ADAM12: variants seen among roughly 807,000 people sequenced by gnomAD.
ADAM12 encodes ADAM metallopeptidase domain 12.
ADAM12 carries 70 observed loss-of-function variants against 106.4 expected under a neutral mutation model. The observed-to-expected ratio is 0.66, with a 90% CI of 0.54 to 0.80. ADAM12 has a LOEUF of 0.80. Ranked by LOEUF, ADAM12 falls within the 30% of genes least tolerant of loss-of-function variation. The pLI is 0.00. For synonymous variants in ADAM12, 420 were observed against 433.5 expected, an observed-to-expected ratio of 0.97 and a Z score of 0.39; for missense variants, 1,010 against 1,171.9, an observed-to-expected ratio of 0.86 and a Z score of 2.02.
intron 14 of ADAM12, among the ~76,000 whole-genome samples, chr10:126,057,400 C>CAAAAAAAA (rs1196820296): frequency 1.5e-4 from 5 of 33,720 alleles, no homozygotes; most frequent in East Asian, 8.8e-4. Context: ...AACAAAAAAA[C>CAAAAAAAA]AAAAAAAAAA....
At chr10:126,377,304 A>C (rs1856328153) in intron 1 of ADAM12, among the ~76,000 whole-genome samples, 2 of 152,202 alleles carry the variant, frequency 1.3e-5, no homozygotes, top group South Asian at 4.1e-4. Flanking sequence ...AACTCACATG[A>C]TCACAAAGTC....
chr10:126,338,867 C>T (rs1854815015), intron 1 of ADAM12, among the ~76,000 whole-genome samples: 1 of 152,152 alleles, frequency 6.6e-6, no homozygotes, highest in South Asian at 2.1e-4. Flanking sequence ...AGAATGGAAC[C>T]TTGTATATGT....
chr10:126,385,301 G>T (rs896196482), intron 1 of ADAM12, among the ~76,000 whole-genome samples: 1 of 152,134 alleles, frequency 6.6e-6, no homozygotes, highest in East Asian at 1.9e-4. Flanking sequence ...CACCATTGGC[G>T]ATCAAGTCAA....
chr10:126,062,086 T>G, intron 14 of ADAM12, among the ~76,000 whole-genome samples: 1 of 152,040 alleles, frequency 6.6e-6, no homozygotes, highest in East Asian at 1.9e-4. Flanking sequence ...TATAATGATC[T>G]GAAGAACTGA....
intron 2 of ADAM12, among the ~76,000 whole-genome samples, chr10:126,307,944 C>T (rs996807408): frequency 3.3e-5 from 5 of 152,170 alleles, no homozygotes; most frequent in African/African-American, 7.2e-5. Context: ...TTATGCTAGA[C>T]ACTGTGTATG....
At chr10:126,235,272 A>G (rs1197974917) in intron 3 of ADAM12, among the ~76,000 whole-genome samples, 1 of 152,184 alleles carries the variant, frequency 6.6e-6, no homozygotes, top group African/African-American at 2.4e-5. Context: ...CTTGAGGGAG[A>G]GTGGGCTTAG....
intron 1 of ADAM12, among the ~76,000 whole-genome samples, chr10:126,372,529 A>T (rs1856146146): frequency 6.6e-6 from 1 of 152,194 alleles, no homozygotes; most frequent in Non-Finnish European, 1.5e-5. Context: ...GATCCAAGCC[A>T]CCTGTCAATT....
intron 3 of ADAM12, among the ~76,000 whole-genome samples, chr10:126,272,284 G>A (rs528479357): frequency 2.6e-5 from 4 of 152,310 alleles, no homozygotes; most frequent in South Asian, 2.1e-4. Context: ...AGAAGTGAAT[G>A]AGCAAGTGAT....
At chr10:126,310,914 G>A (rs1961055954) in intron 2 of ADAM12, among the ~76,000 whole-genome samples, 1 of 152,088 alleles carries the variant, frequency 6.6e-6, no homozygotes, top group Non-Finnish European at 1.5e-5. Context: ...ATTGTGCAAG[G>A]GGATATGGTG....
intron 1 of ADAM12, among the ~76,000 whole-genome samples, chr10:126,386,698 A>C (rs868450740): frequency 6.6e-5 from 10 of 152,384 alleles, no homozygotes; most frequent in South Asian, 2.1e-4. Flanking sequence ...GTCCCTGCTC[A>C]GTAGACTTCT....
At chr10:126,206,967 A>T (rs1482612117) in intron 3 of ADAM12, among the ~76,000 whole-genome samples, 2 of 150,522 alleles carry the variant, frequency 1.3e-5, no homozygotes, top group Admixed American at 6.7e-5. Context: ...TATAAAGGGG[A>T]GTTTCCCTGC....
At chr10:126,228,609 T>C (rs1365396824) in intron 3 of ADAM12, among the ~76,000 whole-genome samples, 2 of 152,262 alleles carry the variant, frequency 1.3e-5, no homozygotes, top group African/African-American at 4.8e-5. Context: ...TAGGGTATTT[T>C]TACACTCTGG....
intron 1 of ADAM12, among the ~76,000 whole-genome samples, chr10:126,353,459 C>G (rs1021675899): frequency 2.6e-5 from 4 of 152,184 alleles, no homozygotes; most frequent in African/African-American, 9.7e-5. Context: ...ACACAGGCTA[C>G]TAGGCACAAA....
intron 20 of ADAM12, among the ~76,000 whole-genome samples, chr10:126,037,196 A>G (rs1954075597): frequency 6.6e-6 from 1 of 151,670 alleles, no homozygotes; most frequent in Non-Finnish European, 1.5e-5. Context: ...GGTTCATTCC[A>G]TTGTGCAAAT....
intron 2 of ADAM12, among the ~76,000 whole-genome samples, chr10:126,317,292 C>T (rs1017856488): frequency 1.3e-5 from 2 of 152,114 alleles, no homozygotes; most frequent in African/African-American, 4.8e-5. Context: ...TAATAGAGAC[C>T]CAATCCACAA....
intron 2 of ADAM12, among the ~76,000 whole-genome samples, chr10:126,318,064 A>C (rs570504003): frequency 9.2e-5 from 14 of 152,190 alleles, no homozygotes; most frequent in African/African-American, 3.4e-4. Flanking sequence ...GAGCCTATCT[A>C]GTACCTAGAG....
intron 11 of ADAM12, among the ~76,000 whole-genome samples, chr10:126,085,069 C>A (rs905673897): frequency 3.9e-5 from 6 of 152,248 alleles, no homozygotes; most frequent in African/African-American, 1.4e-4. Context: ...TCTCTTCCCA[C>A]TTTAGCTAAA....
intron 3 of ADAM12, among the ~76,000 whole-genome samples, chr10:126,181,669 G>A (rs1386706073): frequency 1.3e-5 from 2 of 152,192 alleles, no homozygotes; most frequent in Non-Finnish European, 2.9e-5. Context: ...AACCTTCAGA[G>A]GAAGGAGAGA....
chr10:126,196,064 C>CA (rs1957592534), intron 3 of ADAM12, among the ~76,000 whole-genome samples: 1 of 152,056 alleles, frequency 6.6e-6, no homozygotes, highest in South Asian at 2.1e-4. Flanking sequence ...TGTGTTGTGG[C>CA]AAAAAGAGTG....
Sources: allele counts gnomAD v4.1 joint callset (sites outside exome capture counted in the v4.1 genomes callset), GRCh38; gene constraint gnomAD v4.1.1; transcripts MANE v1.5; gene names NCBI Gene and HGNC (gene_info 2026-07-23, HGNC 2026-07-21).